FAM222A: variants seen among roughly 807,000 people sequenced by gnomAD.
FAM222A encodes family with sequence similarity 222 member A.
A neutral mutation model predicts 25.8 loss-of-function variants in FAM222A; 7 were observed. The observed-to-expected ratio is 0.27, with a 90% CI of 0.15 to 0.51. The LOEUF is 0.51. Ranked by LOEUF, FAM222A falls within the 20% of genes least tolerant of loss-of-function variation. The pLI, the probability that FAM222A is intolerant of heterozygous loss-of-function variation, is 0.97. For missense variants in FAM222A, 573 were observed against 640.5 expected (o/e 0.89, Z 1.14); for synonymous variants, 294 against 298.8 (o/e 0.98, Z 0.17).
rs906887615 is a variant in FAM222A at position 109,741,647 on chromosome 12, T to G, written c.-46-2454T>G. Among the ~76,000 whole-genome samples, 7 of 152,238 alleles carry G rather than the reference T, an allele frequency of 4.6e-5. No homozygotes were observed. The South Asian group carries it at 1.2e-3, about 27-fold the overall frequency. On this transcript the variant is annotated intron_variant, in intron 1 of 2. Coordinates refer to ENST00000538780, the MANE Select transcript of FAM222A (RefSeq NM_032829.3). ...GAAGGGCTGGACTTCTGGACCCCAG[T>G]AAAAGGCTGGAGATAGGGCCGGGCA... is the stretch of plus-strand genomic sequence containing the variant.
chr12:109,757,327 G>C (rs183509433), intron 2 of FAM222A, among the ~76,000 whole-genome samples: 1 of 152,302 alleles, frequency 6.6e-6, no homozygotes, highest in African/African-American at 2.4e-5. Context: ...AGGCACTTTT[G>C]AAAAAGAAGT....
At chr12:109,739,013 GA>G (rs1028732388) in intron 1 of FAM222A, among the ~76,000 whole-genome samples, 1 of 152,236 alleles carries the variant, frequency 6.6e-6, no homozygotes, top group Non-Finnish European at 1.5e-5. Context: ...TGGACACCAG[GA>G]AGGGCCTGGC....
At chr12:109,752,205 G>A (rs1314440904) in intron 2 of FAM222A, among the ~76,000 whole-genome samples, 1 of 152,222 alleles carries the variant, frequency 6.6e-6, no homozygotes, top group Non-Finnish European at 1.5e-5. Context: ...CTGCTCCAAA[G>A]CCAGAACAGG....
Position 109,732,624 on chromosome 12 carries a change from C to T in FAM222A, c.-46-11477C>T, listed in dbSNP as rs186165938. Among the ~76,000 whole-genome samples, 62 of 152,328 alleles carry T rather than the reference C, an allele frequency of 4.1e-4. 1 individual carries two copies. The highest frequency in any genetic ancestry group is 2.9e-3 in the South Asian group (14 of 4,826). ...TTGTGCTGTCACAGCCGTTTTTCTG[C>T]GCTGGGCTGATTTTGAAAGGACGCC... is the stretch of plus-strand genomic sequence containing the variant. On this transcript the variant is annotated intron_variant, in intron 1 of 2. Transcript: ENST00000538780.
At chr12:109,754,696 C>T (rs1457585324) in intron 2 of FAM222A, among the ~76,000 whole-genome samples, 2 of 149,352 alleles carry the variant, frequency 1.3e-5, no homozygotes, top group Non-Finnish European at 3.0e-5. Flanking sequence ...GAAACAGGGT[C>T]TTGCTCTGTT....
chr12:109,759,866 T>C (rs369083117), intron 2 of FAM222A, among the ~76,000 whole-genome samples: 1 of 152,144 alleles, frequency 6.6e-6, no homozygotes, highest in South Asian at 2.1e-4. Context: ...GCTGCAATTA[T>C]TTAGATGTCA....
At chr12:109,719,022 C>T (rs1411770720) in intron 1 of FAM222A, among the ~76,000 whole-genome samples, 1 of 152,210 alleles carries the variant, frequency 6.6e-6, no homozygotes, top group Non-Finnish European at 1.5e-5. Context: ...GTTAGTGCCA[C>T]TTCAGAGATG....
At chr12:109,730,489 G>A (rs1239055444) in intron 1 of FAM222A, among the ~76,000 whole-genome samples, 1 of 152,058 alleles carries the variant, frequency 6.6e-6, no homozygotes, top group African/African-American at 2.4e-5. Flanking sequence ...CCCTGTTGGT[G>A]CCTTTGCGCT....
chr12:109,733,425 G>A (rs1047581485), intron 1 of FAM222A, among the ~76,000 whole-genome samples: 11 of 148,878 alleles, frequency 7.4e-5, no homozygotes, highest in Admixed American at 1.3e-4. Flanking sequence ...TTTTTGAGAC[G>A]GAGTCTCGTT....
intron 2 of FAM222A, among the ~76,000 whole-genome samples, chr12:109,754,735 A>G (rs752435689): frequency 1.3e-5 from 2 of 150,938 alleles, no homozygotes; most frequent in Non-Finnish European, 2.9e-5. Context: ...TGGCATGGTC[A>G]TGGCTCGCTA....
chr12:109,749,928 A>G (rs1039373719), intron 2 of FAM222A, among the ~76,000 whole-genome samples: 10 of 152,112 alleles, frequency 6.6e-5, no homozygotes, highest in Admixed American at 2.0e-4. Flanking sequence ...TTGTATTTCA[A>G]CCTTTCTGAA....
intron 2 of FAM222A, among the ~76,000 whole-genome samples, chr12:109,745,047 TTAGAC>T (rs1442557174): frequency 1.3e-5 from 2 of 152,204 alleles, no homozygotes. Context: ...ATATTTATCT[TTAGAC>T]AAGGGAACAT....
rs987471105 is a variant in FAM222A, at chr12:109,729,522, A to G, written c.-46-14579A>G. Among the ~76,000 whole-genome samples the G allele has an allele frequency of 5.9e-5, 9 of 152,372 alleles. No individual in the cohort carries two copies. The South Asian group carries it at 1.2e-3, about 21-fold the overall frequency. On this transcript the variant is annotated intron_variant, in intron 1 of 2. Transcript: ENST00000538780. ...CCACGAGGGCACCACCCAAATAGCT[A>G]TAATCAGCAGCCTCGCCAAGACTTC... is the stretch of plus-strand genomic sequence containing the variant.
chr12:109,719,643 T>A (rs1887712115), intron 1 of FAM222A, among the ~76,000 whole-genome samples: 1 of 152,090 alleles, frequency 6.6e-6, no homozygotes, highest in Non-Finnish European at 1.5e-5. Flanking sequence ...CCCTGAGGAC[T>A]GAGTGGCTCT....
Position 109,769,407 on chromosome 12 carries a change from CAG to C in FAM222A, c.*120_*121del, listed in dbSNP as rs1370881623. On this transcript the variant is annotated 3_prime_UTR_variant, in exon 3 of 3. Coordinates refer to ENST00000538780, the MANE Select transcript of FAM222A (RefSeq NM_032829.3). ...CCCACCCTGTGCCTGCTGATGCCCA[CAG>C]GGGAGCCAGGCTGGCTGCCGCCTCG... 4.7e-6 allele frequency: 6 copies of C among 1,272,314 alleles called. No individual in the cohort carries two copies. Among genetic ancestry groups the C allele is most frequent in the Non-Finnish European group, 6.3e-6 (6 of 947,346 alleles). The allele number at this position is 1,272,314 out of a possible 1,614,324, so 78.8% of individuals were successfully genotyped here.
At chr12:109,761,871 C>G (rs557860053) in intron 2 of FAM222A, among the ~76,000 whole-genome samples, 1 of 152,132 alleles carries the variant, frequency 6.6e-6, no homozygotes, top group Admixed American at 6.5e-5. Flanking sequence ...AGAGGAAACC[C>G]CCGGGTCCTG....
chr12:109,768,754 T>G lies in FAM222A; in HGVS notation c.825T>G (p.Pro275=), dbSNP rs1462597257. 3 of 1,582,354 alleles carry G rather than the reference T, an allele frequency of 1.9e-6. No homozygotes were observed. The highest frequency in any genetic ancestry group is 2.6e-6 in the Non-Finnish European group (3 of 1,169,396). Residue 275 remains proline, a synonymous_variant, in exon 3 of 3, where the codon CCT becomes CCG. Transcript: ENST00000538780. The part of the protein sequence containing the change: ...QALTLAGAAK[P]AGYADSGLDY... The stretch of plus-strand genomic sequence containing the variant: ...TGACGTTGGCTGGGGCCGCCAAGCC[T>G]GCAGGGTACGCAGACAGCGGCCTGG...
chr12:109,766,604 TTTCACAGGTGAGGAAGGAAGGC>T (rs1399681264), intron 2 of FAM222A, among the ~76,000 whole-genome samples: 1 of 152,160 alleles, frequency 6.6e-6, no homozygotes, highest in African/African-American at 2.4e-5. Flanking sequence ...CATCATCCCG[TTTCACAGGTGAGGAAGGAAGGC>T]ATACGGAGGA....
chr12:109,717,969 G>T (rs988607255), intron 1 of FAM222A, among the ~76,000 whole-genome samples: 1 of 152,174 alleles, frequency 6.6e-6, no homozygotes, highest in African/African-American at 2.4e-5. Context: ...GCGTGGGTTG[G>T]GCCTGGATCG....
Sources: gnomAD v4.1 joint callset for allele counts (sites outside exome capture counted in the v4.1 genomes callset) on GRCh38, gnomAD v4.1.1 for gene constraint, MANE v1.5 for transcripts, NCBI Gene and HGNC (gene_info 2026-07-23, HGNC 2026-07-21) for gene names.